NTRK3: variants seen among roughly 807,000 people sequenced by gnomAD.
NTRK3 encodes the protein NT-3 growth factor receptor.
NTRK3 carries 24 observed loss-of-function variants against 91.7 expected under a neutral mutation model. That is an observed-to-expected ratio of 0.26 (90% CI 0.19 to 0.37). The LOEUF is 0.37. Among genes scored for constraint, NTRK3 ranks in the 10% least tolerant of loss-of-function variants. NTRK3 has a pLI of 1.00. For missense variants in NTRK3, 880 were observed against 1,068.9 expected (o/e 0.82, Z 2.46); for synonymous variants, 483 against 404.0 (o/e 1.20, Z -2.34).
rs1275957831 is a variant in NTRK3 at position 88,255,951 on chromosome 15, T to C, written c.203A>G (p.Asn68Ser). ...GATGTCCGTGATGTTGATACTGGCG[T>C]TCCCATTGCTGTTCCCTGAATCCTG... The change falls in exon 3 of 19, where the codon AAC becomes AGC. Residue 68 changes from asparagine (N) to serine (S), a missense_variant. Physicochemically the swap from Asn to Ser is conservative, Grantham distance 46 (BLOSUM62 1). Around this residue, in one of 3 missense-constraint regions of NTRK3, gnomAD observed 743 missense variants for 868.6 expected, o/e 0.86. Coordinates refer to ENST00000394480, the Ensembl canonical transcript of NTRK3. This position sits in a 1 kb window ranked among gnomAD's most constrained non-coding sequence, Gnocchi z 4.3. 2 of 1,612,934 alleles carry C rather than the reference T, an allele frequency of 1.2e-6. No individual in the cohort carries two copies. Among genetic ancestry groups the C allele is most frequent in the Non-Finnish European group, 1.7e-6 (2 of 1,179,398 alleles).
chr15:87,919,511 A>G (rs954048979), intron 17 of NTRK3, among the ~76,000 whole-genome samples: 6 of 152,224 alleles, frequency 3.9e-5, no homozygotes, highest in African/African-American at 1.2e-4. Flanking sequence ...TATACTTTTC[A>G]GAATACCTGA....
chr15:88,106,970 A>C (rs2050779919), intron 13 of NTRK3, among the ~76,000 whole-genome samples: 1 of 151,728 alleles, frequency 6.6e-6, no homozygotes, highest in African/African-American at 2.4e-5. Flanking sequence ...GAATATAGAT[A>C]CTCAGGTACA....
intron 17 of NTRK3, among the ~76,000 whole-genome samples, chr15:87,922,157 A>G (rs1157601592): frequency 3.3e-5 from 5 of 152,220 alleles, no homozygotes; most frequent in Non-Finnish European, 5.9e-5. Context: ...AAAATTACCT[A>G]AAACCAAGTT....
At chr15:88,034,814 G>T (rs1009717569) in intron 13 of NTRK3, among the ~76,000 whole-genome samples, 2 of 152,162 alleles carry the variant, frequency 1.3e-5, no homozygotes, top group African/African-American at 2.4e-5. Flanking sequence ...GTATGGAAAA[G>T]TAGCTGTAAG....
intron 13 of NTRK3, among the ~76,000 whole-genome samples, chr15:88,069,298 G>A (rs2046913918): frequency 6.6e-6 from 1 of 152,196 alleles, no homozygotes; most frequent in East Asian, 1.9e-4. Flanking sequence ...TCATGGTAGA[G>A]CACCCCAAAG....
At chr15:88,023,022 G>A (rs1261634880) in intron 14 of NTRK3, among the ~76,000 whole-genome samples, 1 of 152,134 alleles carries the variant, frequency 6.6e-6, no homozygotes, top group Non-Finnish European at 1.5e-5. Flanking sequence ...AAAGTCTAGT[G>A]TTTTCAATTA....
At chr15:87,992,771 G>C (rs958746730) in intron 14 of NTRK3, among the ~76,000 whole-genome samples, 1 of 152,216 alleles carries the variant, frequency 6.6e-6, no homozygotes, top group Non-Finnish European at 1.5e-5. Context: ...GGCAGAGCCA[G>C]GACTTGAATC....
chr15:88,027,010 C>G (rs1194837103), intron 14 of NTRK3, among the ~76,000 whole-genome samples: 1 of 152,142 alleles, frequency 6.6e-6, no homozygotes, highest in East Asian at 1.9e-4. Context: ...TGTCCTTATC[C>G]TAGAAACAGA....
chr15:87,930,970 T>G (rs2068746857), intron 16 of NTRK3: 2 of 286,768 alleles, frequency 7.0e-6, no homozygotes, highest in African/African-American at 2.2e-5. Flanking sequence ...CTCACAGGCA[T>G]GCATTCCCCA....
chr15:88,154,085 C>T (rs1213968265), intron 5 of NTRK3, among the ~76,000 whole-genome samples: 1 of 142,182 alleles, frequency 7.0e-6, no homozygotes, highest in Non-Finnish European at 1.5e-5. Context: ...TTCCCTGATG[C>T]AGCACCAAGC....
chr15:87,930,344 G>C (rs1258947553), intron 16 of NTRK3, among the ~76,000 whole-genome samples: 1 of 152,158 alleles, frequency 6.6e-6, no homozygotes, highest in Non-Finnish European at 1.5e-5. Flanking sequence ...CACACCCAGG[G>C]CCCTTATTTA....
At chr15:88,201,532 C>CA (rs2048305851) in intron 3 of NTRK3, among the ~76,000 whole-genome samples, 1 of 152,204 alleles carries the variant, frequency 6.6e-6, no homozygotes, top group African/African-American at 2.4e-5. Flanking sequence ...TGTGTGACAA[C>CA]AAACCCTCTC....
intron 11 of NTRK3, 109 bp from the exon 12 acceptor site, chr15:88,127,335 A>C (rs2151118678): frequency 1.1e-6 from 1 of 882,934 alleles, no homozygotes; most frequent in Middle Eastern, 2.5e-4. Context: ...CCCCTGCAGA[A>C]CATCCTCTGA....
At chr15:88,191,297 C>T (rs547977832) in intron 3 of NTRK3, among the ~76,000 whole-genome samples, 1 of 152,122 alleles carries the variant, frequency 6.6e-6, no homozygotes. Context: ...AAGCAATTCT[C>T]GTGCCTCAGC....
At chr15:87,889,852 A>T (rs958088927) in intron 17 of NTRK3, among the ~76,000 whole-genome samples, 5 of 151,694 alleles carry the variant, frequency 3.3e-5, no homozygotes, top group African/African-American at 1.2e-4. Flanking sequence ...TGATTTTTGA[A>T]AGTTGGATCC....
chr15:88,135,779 C>T, intron 9 of NTRK3, 120 bp downstream of exon 9: 15 of 1,349,594 alleles, frequency 1.1e-5, no homozygotes, highest in Non-Finnish European at 1.4e-5. Flanking sequence ...GTCCTTCTGT[C>T]CCTACTGGTA....
At chr15:87,928,694 C>T (rs2068535933) in intron 17 of NTRK3, 1 of 202,154 alleles carries the variant, frequency 4.9e-6, no homozygotes, top group African/African-American at 2.3e-5. Context: ...ATCTTTGTTA[C>T]TTTACTTAGG....
chr15:87,887,374 T>C (rs1667342748), intron 17 of NTRK3, among the ~76,000 whole-genome samples: 1 of 152,198 alleles, frequency 6.6e-6, no homozygotes, highest in African/African-American at 2.4e-5. Context: ...GTTCTAAATG[T>C]CACTTTTGAC....
chr15:88,116,458 TTA>T (rs1373659754), intron 13 of NTRK3, among the ~76,000 whole-genome samples: 41 of 151,440 alleles, frequency 2.7e-4, no homozygotes, highest in African/African-American at 9.7e-4. Context: ...AAAATGGTGG[TTA>T]TAGTTTGTAA....
Sources: allele counts gnomAD v4.1 joint callset (sites outside exome capture counted in the v4.1 genomes callset), GRCh38; gene constraint gnomAD v4.1.1; regional missense constraint gnomAD v4.1.1; non-coding constraint Gnocchi (gnomAD v3.1); transcripts MANE v1.5; gene names NCBI Gene and HGNC (gene_info 2026-07-23, HGNC 2026-07-21).